TSPAN18: variants seen among roughly 807,000 people sequenced by gnomAD.
TSPAN18 encodes tetraspanin-18.
Under a neutral mutation model 27.3 loss-of-function variants are expected in TSPAN18, and 14 were observed. That is an observed-to-expected ratio of 0.51 (90% CI 0.34 to 0.80). The LOEUF is 0.80. Ranked by LOEUF, TSPAN18 falls within the 30% of genes least tolerant of loss-of-function variation. TSPAN18 has a pLI of 0.01. For synonymous variants in TSPAN18, 143 were observed against 136.5 expected (o/e 1.05, Z -0.33); for missense variants, 268 against 323.9 (o/e 0.83, Z 1.32).
Position 44,730,716 on chromosome 11 carries a change from C to T in TSPAN18, c.-240+3429C>T, listed in dbSNP as rs143904864. ...TTGGCTCACTGCAACCTCTGCCTCCCGAGTTCAAGCGATTCTCCTGCCTCA... is the reference window on the plus strand; with the variant it reads ...TTGGCTCACTGCAACCTCTGCCTCCTGAGTTCAAGCGATTCTCCTGCCTCA... On this transcript the variant is annotated intron_variant, in intron 1 of 9. Transcript: ENST00000520358. Among the ~76,000 whole-genome samples the T allele has an allele frequency of 5.3e-3, 809 of 152,018 alleles. 3 individuals are homozygous for T. The highest frequency in any genetic ancestry group is 8.7e-3 in the Non-Finnish European group (589 of 67,980).
intron 2 of TSPAN18, among the ~76,000 whole-genome samples, chr11:44,776,452 G>A (rs1216663103): frequency 6.6e-6 from 1 of 152,206 alleles, no homozygotes; most frequent in African/African-American, 2.4e-5. Context: ...TTTCCCTACA[G>A]AGCTACTGCT....
intron 2 of TSPAN18, among the ~76,000 whole-genome samples, chr11:44,858,955 G>A (rs1302122964): frequency 6.6e-6 from 1 of 152,118 alleles, no homozygotes; most frequent in Non-Finnish European, 1.5e-5. Flanking sequence ...CACCCCTCCT[G>A]GGGAATGCAC....
At chr11:44,745,612 T>C (rs1017503235) in intron 1 of TSPAN18, among the ~76,000 whole-genome samples, 1 of 152,212 alleles carries the variant, frequency 6.6e-6, no homozygotes, top group African/African-American at 2.4e-5. Context: ...GTGTTCATCT[T>C]CTCATCCTGG....
intron 2 of TSPAN18, among the ~76,000 whole-genome samples, chr11:44,779,125 A>G (rs1855879762): frequency 6.6e-6 from 1 of 151,790 alleles, no homozygotes; most frequent in South Asian, 2.1e-4. Context: ...ATTGACCCCC[A>G]CAGCCCTTTT....
chr11:44,837,840 A>AT (rs948596764), intron 2 of TSPAN18, among the ~76,000 whole-genome samples: 2 of 152,114 alleles, frequency 1.3e-5, no homozygotes, highest in African/African-American at 4.8e-5. Context: ...AGGTATTTAC[A>AT]TTTTTTTTAA....
intron 2 of TSPAN18, among the ~76,000 whole-genome samples, chr11:44,795,082 AC>A (rs1042411666): frequency 2.1e-5 from 1 of 48,298 alleles, no homozygotes; most frequent in Admixed American, 2.1e-4. Flanking sequence ...CCCCACCCCC[AC>A]CCCCACCCCC....
chr11:44,868,868 C>T (rs1858112183), intron 3 of TSPAN18, among the ~76,000 whole-genome samples: 1 of 152,198 alleles, frequency 6.6e-6, no homozygotes, highest in Admixed American at 6.5e-5. Context: ...GCAGCTCCTG[C>T]TTCCAATGCA....
intron 3 of TSPAN18, among the ~76,000 whole-genome samples, chr11:44,884,657 A>G (rs1858589748): frequency 6.6e-6 from 1 of 152,124 alleles, no homozygotes. Flanking sequence ...TCTCATTGCT[A>G]AGGGCATTGC....
chr11:44,812,029 A>G (rs1204039024), intron 2 of TSPAN18, among the ~76,000 whole-genome samples: 1 of 152,198 alleles, frequency 6.6e-6, no homozygotes, highest in Non-Finnish European at 1.5e-5. Flanking sequence ...CGGTGGAAAC[A>G]GGCCCTGTGG....
At chr11:44,735,042 T>A (rs1470980592) in intron 1 of TSPAN18, among the ~76,000 whole-genome samples, 1 of 152,180 alleles carries the variant, frequency 6.6e-6, no homozygotes, top group Non-Finnish European at 1.5e-5. Context: ...GGCCTGTGGT[T>A]AGGAAGAGGA....
chr11:44,928,647 G>T (rs370497101), intron 9 of TSPAN18, among the ~76,000 whole-genome samples: 1 of 152,186 alleles, frequency 6.6e-6, no homozygotes, highest in African/African-American at 2.4e-5. Flanking sequence ...TCAGCTGGGC[G>T]TGGTGACGCA....
chr11:44,769,296 G>T (rs577384353), intron 2 of TSPAN18, among the ~76,000 whole-genome samples: 1 of 152,120 alleles, frequency 6.6e-6, no homozygotes, highest in Admixed American at 6.5e-5. Flanking sequence ...AGTTTAATTT[G>T]TTAATATTTG....
At chr11:44,763,034 C>G (rs1306868143) in intron 1 of TSPAN18, among the ~76,000 whole-genome samples, 1 of 152,226 alleles carries the variant, frequency 6.6e-6, no homozygotes, top group Non-Finnish European at 1.5e-5. Flanking sequence ...AGCTCAGACT[C>G]ATTTCAGTGG....
At chr11:44,927,989 A>T (rs1169343828) in intron 9 of TSPAN18, among the ~76,000 whole-genome samples, 1 of 152,110 alleles carries the variant, frequency 6.6e-6, no homozygotes, top group Non-Finnish European at 1.5e-5. Flanking sequence ...GCCCCATGGG[A>T]GGCAGAATCC....
intron 2 of TSPAN18, among the ~76,000 whole-genome samples, chr11:44,818,912 T>C (rs534836923): frequency 6.6e-6 from 1 of 152,232 alleles, no homozygotes; most frequent in South Asian, 2.1e-4. Context: ...TATTTCCCCA[T>C]TTGCCAAATG....
chr11:44,900,675 G>A (rs2135309462), intron 3 of TSPAN18, among the ~76,000 whole-genome samples: 1 of 138,198 alleles, frequency 7.2e-6, no homozygotes, highest in African/African-American at 2.7e-5. Flanking sequence ...ACAACTTGAG[G>A]AAGGCTTTTT....
chr11:44,838,591 GCAAAGGGAA>G (rs1857309239), intron 2 of TSPAN18, among the ~76,000 whole-genome samples: 1 of 152,204 alleles, frequency 6.6e-6, no homozygotes, highest in South Asian at 2.1e-4. Flanking sequence ...CTTACAAGCG[GCAAAGGGAA>G]GTTTGACTTC....
Position 44,931,646 on chromosome 11 carries a change from C to A in TSPAN18, c.*2468C>A, listed in dbSNP as rs1165419579. The A allele has an allele frequency of 1.3e-5, 2 of 152,348 alleles. No individual in the cohort carries two copies. Among genetic ancestry groups the A allele is most frequent in the African/African-American group, 4.8e-5 (2 of 41,466 alleles). The allele number at this position is 152,348 out of a possible 1,614,324, so 9.4% of individuals were successfully genotyped here. ...CAGTTTCTGCTCCTGTTGGCATTCG[C>A]TCAGGCTGGTAGCTATTTGCAAGAC... On this transcript the variant is annotated 3_prime_UTR_variant, in exon 10 of 10. Coordinates refer to ENST00000520358, the MANE Select transcript of TSPAN18 (RefSeq NM_130783.5).
intron 2 of TSPAN18, among the ~76,000 whole-genome samples, chr11:44,839,725 C>G (rs835781): frequency 0.88 from 133,176 of 152,038 alleles, 58,402 homozygotes; most frequent in East Asian, 0.93. Flanking sequence ...AGCATGCAAG[C>G]GGGGAGGGAG....
Sources: allele counts gnomAD v4.1 joint callset (sites outside exome capture counted in the v4.1 genomes callset), GRCh38; gene constraint gnomAD v4.1.1; transcripts MANE v1.5; gene names NCBI Gene and HGNC (gene_info 2026-07-23, HGNC 2026-07-21).